CNTN4: variants seen among roughly 807,000 people sequenced by gnomAD.
CNTN4 encodes the protein contactin-4.
Under a neutral mutation model 122.5 loss-of-function variants are expected in CNTN4, and 77 were observed. That is an observed-to-expected ratio of 0.63 (90% confidence interval 0.52 to 0.76). The LOEUF (loss-of-function observed/expected upper bound fraction) is 0.76. Among genes scored for constraint, CNTN4 ranks in the 30% least tolerant of loss-of-function variants. The probability of loss-of-function intolerance (pLI) is 0.00; values close to 1 mark genes in which losing one functional copy is unlikely to be tolerated. For synonymous variants in CNTN4, 512 were observed against 447.0 expected, an observed-to-expected ratio of 1.15 and a Z score of -1.83; for missense variants, 1,256 against 1,259.1, an observed-to-expected ratio of 1.00 and a Z score of 0.04.
chr3:2,202,468 A>G (rs2038144503), intron 2 of CNTN4, among the ~76,000 whole-genome samples: 1 of 152,116 alleles, frequency 6.6e-6, no homozygotes, highest in Non-Finnish European at 1.5e-5. Flanking sequence ...AATAGGATCA[A>G]TTTGTAACTG....
chr3:2,804,126 A>G (rs544701235), intron 6 of CNTN4, among the ~76,000 whole-genome samples: 2 of 152,092 alleles, frequency 1.3e-5, no homozygotes, highest in East Asian at 3.9e-4. Flanking sequence ...AAGAAAAAAC[A>G]CATGACAAAC....
At position 3,044,352 on chromosome 3, in the gene CNTN4, A is replaced by T. The variant is rs557745739; in HGVS notation, c.2811+648A>T. On this transcript the variant is annotated intron_variant, in intron 23 of 24. Coordinates refer to ENST00000418658, the MANE Select transcript of CNTN4 (RefSeq NM_175607.3). ...AAACAGCAACAGTGTATCATTTTTT[A>T]TGACTTTGCAATGTGGATAGGGCCA... 1.1e-4 allele frequency among the ~76,000 whole-genome samples: 16 copies of T among 152,302 alleles called. 1 individual carries two copies. In the South Asian group the frequency reaches 3.1e-3, roughly 30 times the overall value.
chr3:2,640,610 C>T (rs1041658478), intron 4 of CNTN4, among the ~76,000 whole-genome samples: 2 of 151,522 alleles, frequency 1.3e-5, no homozygotes, highest in Non-Finnish European at 2.9e-5. Context: ...GACACAAGAA[C>T]AGCTCTTTAA....
rs202051747 is a variant in CNTN4, at chr3:3,007,112, C to G, written c.1486+18640C>G. On this transcript the variant is annotated intron_variant, in intron 14 of 24. Transcript: ENST00000418658. The stretch of plus-strand genomic sequence containing the variant: ...TCCTCCTAGAAAAAGTAAATCATTA[C>G]TGTATATCTACTTCTTATATTTATG... Among the ~76,000 whole-genome samples, 11 of 152,196 alleles carry G rather than the reference C, an allele frequency of 7.2e-5. No individual in the cohort carries two copies. In the East Asian group the frequency reaches 1.9e-3, roughly 27 times the overall value.
chr3:2,682,042 C>T (rs140880028), intron 4 of CNTN4, among the ~76,000 whole-genome samples: 1 of 152,250 alleles, frequency 6.6e-6, no homozygotes, highest in African/African-American at 2.4e-5. Flanking sequence ...TGTGTTTGAT[C>T]TTCCAATATG....
chr3:3,006,090 A>C (rs567765075), intron 14 of CNTN4, among the ~76,000 whole-genome samples: 9 of 151,862 alleles, frequency 5.9e-5, no homozygotes, highest in Middle Eastern at 3.4e-3. Context: ...GGGTTTCAGG[A>C]TGGTCTTGAT....
chr3:2,908,098 T>G (rs1276676786), intron 12 of CNTN4, among the ~76,000 whole-genome samples: 1 of 152,188 alleles, frequency 6.6e-6, no homozygotes, highest in Non-Finnish European at 1.5e-5. Flanking sequence ...TGAGGTGCTG[T>G]ACAACTCCCT....
chr3:2,543,215 G>A (rs546350969), intron 3 of CNTN4, among the ~76,000 whole-genome samples: 10 of 152,074 alleles, frequency 6.6e-5, no homozygotes, highest in Non-Finnish European at 1.5e-4. Flanking sequence ...GAGGTCTAAT[G>A]TTATTGCAGC....
In CNTN4 at chr3:2,331,837, A is replaced by T. The variant is rs115124810; in HGVS notation, c.-144-7341A>T. On this transcript the variant is annotated intron_variant, in intron 2 of 24. Transcript: ENST00000418658. ...GGGTGCTGAGTGAAAATGCTATATAAACTGCATGCCCTTTGCAAATGATTG... is the reference window on the plus strand; with the variant it reads ...GGGTGCTGAGTGAAAATGCTATATATACTGCATGCCCTTTGCAAATGATTG... 9.7e-3 allele frequency among the ~76,000 whole-genome samples: 1,477 copies of T among 152,174 alleles called. 30 individuals carry two copies. Among genetic ancestry groups the T allele is most frequent in the African/African-American group, 0.034 (1,413 of 41,520 alleles).
chr3:2,681,036 T>C (rs1459929117), intron 4 of CNTN4, among the ~76,000 whole-genome samples: 1 of 152,192 alleles, frequency 6.6e-6, no homozygotes, highest in African/African-American at 2.4e-5. Flanking sequence ...AGGGAATGCT[T>C]TTAGAAAATG....
chr3:2,563,818 A>G (rs1264802112), intron 3 of CNTN4, among the ~76,000 whole-genome samples: 1 of 152,166 alleles, frequency 6.6e-6, no homozygotes, highest in Non-Finnish European at 1.5e-5. Context: ...AAATATTGAA[A>G]GCATTAGCTA....
At chr3:2,326,717 A>G (rs2043479926) in intron 2 of CNTN4, among the ~76,000 whole-genome samples, 1 of 152,220 alleles carries the variant, frequency 6.6e-6, no homozygotes, top group Admixed American at 6.5e-5. Context: ...AAGCAAGAAT[A>G]GGAATGGCTG....
intron 3 of CNTN4, among the ~76,000 whole-genome samples, chr3:2,341,225 C>A (rs1300726755): frequency 6.6e-6 from 1 of 152,112 alleles, no homozygotes; most frequent in African/African-American, 2.4e-5. Flanking sequence ...ATTCATATAT[C>A]TTTGTGTAGC....
chr3:2,725,808 A>G (rs1200813618), intron 4 of CNTN4, among the ~76,000 whole-genome samples: 1 of 152,234 alleles, frequency 6.6e-6, no homozygotes, highest in Non-Finnish European at 1.5e-5. Flanking sequence ...ATGTATTCAC[A>G]CACACACAAG....
chr3:2,853,701 G>C (rs2093584049), intron 7 of CNTN4, among the ~76,000 whole-genome samples: 1 of 152,136 alleles, frequency 6.6e-6, no homozygotes, highest in South Asian at 2.1e-4. Context: ...AAATACATTA[G>C]ACATGAGCAT....
intron 3 of CNTN4, among the ~76,000 whole-genome samples, chr3:2,530,909 A>T (rs1447381494): frequency 6.6e-6 from 1 of 152,154 alleles, no homozygotes; most frequent in African/African-American, 2.4e-5. Flanking sequence ...TTATAGTTTC[A>T]GTTGTTTTTA....
chr3:2,927,390 G>T, intron 13 of CNTN4: 1 of 448,250 alleles, frequency 2.2e-6, no homozygotes, highest in East Asian at 7.0e-5. Context: ...AGAAGGAAAA[G>T]AGCCAAACAT....
Position 2,949,048 on chromosome 3 carries a change from A to G in CNTN4, c.1358+23269A>G, listed in dbSNP as rs539604916. ...CAGGCCCCTACTTATCTCTCTGACCATATCTGCTGCTAGCTAGCTCTTTCT... is the reference window on the plus strand; with the variant it reads ...CAGGCCCCTACTTATCTCTCTGACCGTATCTGCTGCTAGCTAGCTCTTTCT... On this transcript the variant is annotated intron_variant, in intron 13 of 24. Transcript: ENST00000418658. Among the ~76,000 whole-genome samples the G allele has an allele frequency of 2.0e-5, 3 of 152,098 alleles. No homozygotes were observed. The South Asian group carries it at 6.2e-4, about 32-fold the overall frequency.
chr3:2,440,365 A>T (rs1278768968), intron 3 of CNTN4, among the ~76,000 whole-genome samples: 1 of 152,148 alleles, frequency 6.6e-6, no homozygotes, highest in African/African-American at 2.4e-5. Flanking sequence ...AAAATCCCTC[A>T]TATGTCTTTA....
Sources: gnomAD v4.1 joint callset for allele counts (sites outside exome capture counted in the v4.1 genomes callset) on GRCh38, gnomAD v4.1.1 for gene constraint, MANE v1.5 for transcripts, NCBI Gene and HGNC (gene_info 2026-07-23, HGNC 2026-07-21) for gene names.